The following TMEM232 variants were observed in gnomAD, a reference collection of about 807,000 sequenced individuals.
TMEM232 encodes the protein transmembrane protein 232.
TMEM232 carries 80 observed loss-of-function variants against 78.8 expected under a neutral mutation model. That is an observed-to-expected ratio of 1.01 (90% CI 0.85 to 1.22). The LOEUF (loss-of-function observed/expected upper bound fraction) is 1.22, where lower values mean the gene tolerates loss of function less well. Among genes scored for constraint, TMEM232 ranks in the 50% most tolerant of loss-of-function variants. The pLI is 0.00. For synonymous variants in TMEM232, 297 were observed against 254.3 expected (o/e 1.17, Z -1.60); for missense variants, 881 against 742.2 (o/e 1.19, Z -2.17).
chr5:110,599,133 C>A (rs1454415630), intron 10 of TMEM232, among the ~76,000 whole-genome samples: 2 of 151,982 alleles, frequency 1.3e-5, no homozygotes, highest in Non-Finnish European at 2.9e-5. Context: ...AGGATTTTGT[C>A]ACCATCAGGC....
rs1356411501 is a variant in TMEM232, at chr5:110,568,598, T to C, written c.1304A>G (p.Tyr435Cys). The change falls in exon 11 of 14, where the codon TAT (tyrosine) becomes TGT (cysteine). Residue 435 changes from tyrosine (Y) to cysteine (C), a missense_variant. Transcript: ENST00000455884. ...NCDQVVWTGY[Y>C]GLVYNLVKIS... ...TTTCACCAGGTTATACACTAAGCCA[T>C]AGTAACCAGTCCAGACTACTTGATC... 6.5e-7 allele frequency: 1 copy of C among 1,548,360 alleles called. No individual in the cohort carries two copies. Among genetic ancestry groups the C allele is most frequent in the Non-Finnish European group, 8.7e-7 (1 of 1,145,484 alleles).
chr5:110,632,680 T>C (rs1785280470), intron 5 of TMEM232, among the ~76,000 whole-genome samples: 1 of 152,006 alleles, frequency 6.6e-6, no homozygotes, highest in Non-Finnish European at 1.5e-5. Context: ...TGAAGACATG[T>C]CTTTTGATAT....
chr5:110,571,504 T>A (rs927643371), intron 10 of TMEM232, among the ~76,000 whole-genome samples: 1 of 151,662 alleles, frequency 6.6e-6, no homozygotes, highest in Non-Finnish European at 1.5e-5. Flanking sequence ...CAAATGAAGC[T>A]AAGGTGGACA....
intron 7 of TMEM232, among the ~76,000 whole-genome samples, chr5:110,624,282 A>G (rs1192979407): frequency 6.6e-6 from 1 of 152,138 alleles, no homozygotes; most frequent in Non-Finnish European, 1.5e-5. Context: ...GCATTTAATA[A>G]TTTTATAAAG....
intron 11 of TMEM232, among the ~76,000 whole-genome samples, chr5:110,551,961 G>A (rs1774525623): frequency 6.6e-6 from 1 of 151,928 alleles, no homozygotes; most frequent in African/African-American, 2.4e-5. Context: ...CAGGCTACCT[G>A]CACAGATTAA....
chr5:110,731,697 T>G (rs1798696002), intron 2 of TMEM232, among the ~76,000 whole-genome samples: 1 of 152,196 alleles, frequency 6.6e-6, no homozygotes, highest in East Asian at 1.9e-4. Context: ...GCACACAGCA[T>G]GGGGACTCTG....
At chr5:110,498,093 A>C (rs1331673484) in intron 12 of TMEM232, among the ~76,000 whole-genome samples, 5 of 152,314 alleles carry the variant, frequency 3.3e-5, no homozygotes, top group African/African-American at 1.2e-4. Flanking sequence ...AGACTCTTCA[A>C]ATAAGCATGG....
rs560666545 is a variant in TMEM232 at position 110,538,059 on chromosome 5, C to T, written c.1456-9224G>A. ...TAATACCCCCATGGGAATGAACAAC[C>T]GGGCTAAATTTCTTGAGGCTTTCCT... On this transcript the variant is annotated intron_variant, in intron 11 of 13. Coordinates refer to ENST00000455884, the MANE Select transcript of TMEM232 (RefSeq NM_001039763.4). Among the ~76,000 whole-genome samples, 22 of 152,226 alleles carry T rather than the reference C, an allele frequency of 1.4e-4. No individual in the cohort carries two copies. In the South Asian group the frequency reaches 1.7e-3, roughly 11 times the overall value.
chr5:110,396,855 T>C (rs944642843), intron 3 of TMEM232, among the ~76,000 whole-genome samples: 7 of 152,084 alleles, frequency 4.6e-5, no homozygotes, highest in East Asian at 1.9e-4. Context: ...TTGCTAGGGA[T>C]GTAAGGAGAA....
intron 1 of TMEM232, among the ~76,000 whole-genome samples, chr5:110,687,750 A>G (rs938924401): frequency 1.3e-5 from 2 of 152,064 alleles, no homozygotes; most frequent in Admixed American, 1.3e-4. Flanking sequence ...ACACACACAC[A>G]CATATTCACA....
At chr5:110,699,477 A>C (rs531195968) in intron 1 of TMEM232, among the ~76,000 whole-genome samples, 1 of 152,042 alleles carries the variant, frequency 6.6e-6, no homozygotes, top group South Asian at 2.1e-4. Context: ...CCAAAATGGG[A>C]CTCTTTTGAG....
chr5:110,731,267 T>C (rs1798654669), upstream of TMEM232, among the ~76,000 whole-genome samples: 1 of 152,210 alleles, frequency 6.6e-6, no homozygotes, highest in Admixed American at 6.5e-5. Flanking sequence ...TAGCATTGAA[T>C]GTCTGCAGCT....
intron 1 of TMEM232, among the ~76,000 whole-genome samples, chr5:110,702,059 C>A (rs550852485): frequency 5.9e-5 from 9 of 152,070 alleles, no homozygotes; most frequent in African/African-American, 1.9e-4. Context: ...GCTACCCTAG[C>A]TGGATCTCCA....
intron 12 of TMEM232, among the ~76,000 whole-genome samples, chr5:110,449,779 A>G (rs139439692): frequency 1.9e-4 from 29 of 152,294 alleles, no homozygotes; most frequent in African/African-American, 6.3e-4. Context: ...CATGCCTTCC[A>G]AAAGCTTAGA....
chr5:110,616,793 G>C (rs1478390364), intron 8 of TMEM232, among the ~76,000 whole-genome samples: 4 of 152,022 alleles, frequency 2.6e-5, no homozygotes, highest in Non-Finnish European at 5.9e-5. Flanking sequence ...TTATCAAAAA[G>C]ATGAAAGATA....
chr5:110,560,616 G>GA (rs1313163737), intron 11 of TMEM232, among the ~76,000 whole-genome samples: 1 of 151,448 alleles, frequency 6.6e-6, no homozygotes, highest in Non-Finnish European at 1.5e-5. Context: ...AAACCCAAGA[G>GA]AAAAAAAATA....
intron 10 of TMEM232, 147 bp downstream of exon 10, chr5:110,604,962 T>C: frequency 1.1e-6 from 1 of 947,330 alleles, no homozygotes; most frequent in East Asian, 3.0e-5. Flanking sequence ...CCTCAAAAAA[T>C]AAATCATGCT....
chr5:110,633,894 T>C (rs1268370512), intron 5 of TMEM232, among the ~76,000 whole-genome samples: 1 of 152,142 alleles, frequency 6.6e-6, no homozygotes, highest in African/African-American at 2.4e-5. Flanking sequence ...ACTTAAAAGA[T>C]ATAGACTGGT....
intron 12 of TMEM232, among the ~76,000 whole-genome samples, chr5:110,431,145 C>A (rs1274165702): frequency 2.0e-5 from 3 of 151,526 alleles, no homozygotes; most frequent in Non-Finnish European, 4.4e-5. Flanking sequence ...GAGCACCACA[C>A]ACACCACTAA....
Sources: gnomAD v4.1 joint callset for allele counts (sites outside exome capture counted in the v4.1 genomes callset) on GRCh38, gnomAD v4.1.1 for gene constraint, MANE v1.5 for transcripts, NCBI Gene and HGNC (gene_info 2026-07-23, HGNC 2026-07-21) for gene names.